ASAP2: variants seen among roughly 807,000 people sequenced by gnomAD.
The protein encoded by ASAP2 is arf-GAP with SH3 domain, ANK repeat and PH domain-containing protein 2.
ASAP2 carries 45 observed loss-of-function variants against 131.4 expected under a neutral mutation model. The ratio of observed to expected loss-of-function variants is 0.34; its 90% CI spans 0.27 to 0.44. The LOEUF (loss-of-function observed/expected upper bound fraction) is 0.44. Ranked by LOEUF, ASAP2 falls within the 20% of genes least tolerant of loss-of-function variation. The pLI is 1.00. For missense variants in ASAP2, 1,011 were observed against 1,297.0 expected, an observed-to-expected ratio of 0.78 and a Z score of 3.39; for synonymous variants, 510 against 503.0, an observed-to-expected ratio of 1.01 and a Z score of -0.19.
intron 15 of ASAP2, among the ~76,000 whole-genome samples, chr2:9,364,276 G>A (rs1320526314): frequency 6.6e-6 from 1 of 152,180 alleles, no homozygotes; most frequent in Non-Finnish European, 1.5e-5. Flanking sequence ...GGGAGGCTGA[G>A]GCAGGCAGAT....
chr2:9,299,836 T>TA (rs148964512), intron 3 of ASAP2, among the ~76,000 whole-genome samples: 5,294 of 152,312 alleles, frequency 0.035, 215 homozygotes, highest in African/African-American at 0.093. Context: ...CGGTGACTCT[T>TA]ACACAGGATA....
At chr2:9,279,268 G>T in intron 1 of ASAP2, 49 bp from the exon 2 acceptor site, 1 of 1,566,564 alleles carries the variant, frequency 6.4e-7, no homozygotes, top group Non-Finnish European at 8.8e-7. Context: ...CGCTGCTAGC[G>T]TGGTCTCAGC....
chr2:9,345,263 G>A (rs1671888632), intron 11 of ASAP2, among the ~76,000 whole-genome samples: 1 of 152,144 alleles, frequency 6.6e-6, no homozygotes, highest in Non-Finnish European at 1.5e-5. Context: ...AGAAATCCAT[G>A]AGAAAAGACA....
In ASAP2 at chr2:9,376,895, T is replaced by C. The variant is rs199782056; in HGVS notation, c.1747-13T>C. On this transcript the variant is annotated splice_polypyrimidine_tract_variant and intron_variant, in intron 17 of 27. Transcript: ENST00000281419. ...CCATTAGAATTCTGGAATGCCTTTG[T>C]TTGGTTTTTCAGGAGCCGGATGAAA... The C allele has an allele frequency of 3.9e-4, 630 of 1,613,582 alleles. 8 individuals are homozygous for C. In the South Asian group the frequency reaches 6.6e-3, roughly 17 times the overall value.
At chr2:9,212,237 C>G (rs1661613861) in intron 1 of ASAP2, among the ~76,000 whole-genome samples, 1 of 152,062 alleles carries the variant, frequency 6.6e-6, no homozygotes, top group East Asian at 1.9e-4. Flanking sequence ...TACAGTCCAG[C>G]AAGAGGAACA....
chr2:9,356,145 G>A (rs745433736), intron 13 of ASAP2, 34 bp from the exon 14 acceptor site: 2 of 1,614,134 alleles, frequency 1.2e-6, no homozygotes, highest in East Asian at 2.2e-5. Flanking sequence ...CGTTGTTTGT[G>A]GAATTTAACA....
At chr2:9,265,185 A>G (rs1271973844) in intron 1 of ASAP2, among the ~76,000 whole-genome samples, 2 of 152,250 alleles carry the variant, frequency 1.3e-5, no homozygotes, top group African/African-American at 4.8e-5. Context: ...AATACAGTGT[A>G]ACAACTGTTT....
chr2:9,324,168 A>G (rs534107661), intron 6 of ASAP2, among the ~76,000 whole-genome samples: 2 of 152,392 alleles, frequency 1.3e-5, no homozygotes, highest in South Asian at 4.1e-4. Context: ...AAGCTAATCC[A>G]GAAGGCACTT....
intron 1 of ASAP2, among the ~76,000 whole-genome samples, chr2:9,218,933 A>T (rs896057660): frequency 6.6e-6 from 1 of 151,994 alleles, no homozygotes; most frequent in African/African-American, 2.4e-5. Flanking sequence ...ACTGGAGTTG[A>T]TGTGGTGGTT....
intron 18 of ASAP2, among the ~76,000 whole-genome samples, chr2:9,377,309 T>A (rs961951854): frequency 1.1e-4 from 17 of 152,216 alleles, no homozygotes; most frequent in Non-Finnish European, 8.8e-5. Context: ...CGTCCTCGCC[T>A]CATCCTGTGA....
rs57039765 is a variant in ASAP2 at position 9,347,930 on chromosome 2, G to A, written c.1024-2878G>A. 3.7e-3 allele frequency among the ~76,000 whole-genome samples: 560 copies of A among 152,302 alleles called. 4 individuals are homozygous for A. Among genetic ancestry groups the A allele is most frequent in the African/African-American group, 0.012 (514 of 41,560 alleles). On this transcript the variant is annotated intron_variant, in intron 11 of 27. Transcript: ENST00000281419. ...AAAAATAGAACGGCACGATTAGAAT[G>A]GAGAATCACTGATAATCTCTGCCTG...
At chr2:9,226,853 G>A (rs977771816) in intron 1 of ASAP2, among the ~76,000 whole-genome samples, 5 of 152,184 alleles carry the variant, frequency 3.3e-5, no homozygotes, top group South Asian at 4.1e-4. Context: ...CCAGAAAGGC[G>A]GGAGGTCTGG....
chr2:9,347,862 A>G (rs1265740828), intron 11 of ASAP2, among the ~76,000 whole-genome samples: 1 of 152,206 alleles, frequency 6.6e-6, no homozygotes. Flanking sequence ...AGTCATGAAG[A>G]AAGAAGAAAA....
At chr2:9,220,255 A>C (rs1371893063) in intron 1 of ASAP2, among the ~76,000 whole-genome samples, 2 of 152,184 alleles carry the variant, frequency 1.3e-5, no homozygotes, top group Non-Finnish European at 2.9e-5. Flanking sequence ...TTAACTTTTT[A>C]AACTTAAACT....
intron 2 of ASAP2, among the ~76,000 whole-genome samples, chr2:9,290,767 A>G (rs1458170804): frequency 1.3e-5 from 2 of 152,232 alleles, no homozygotes; most frequent in Non-Finnish European, 1.5e-5. Flanking sequence ...GACTTGGAAC[A>G]CAGCTCTGCC....
intron 11 of ASAP2, among the ~76,000 whole-genome samples, chr2:9,348,698 G>T (rs1041515527): frequency 1.3e-5 from 2 of 152,124 alleles, no homozygotes; most frequent in South Asian, 4.1e-4. Flanking sequence ...TCAAACAAAG[G>T]TGCTGAATAT....
At chr2:9,382,045 A>G (rs1674894348) in intron 20 of ASAP2, among the ~76,000 whole-genome samples, 1 of 142,318 alleles carries the variant, frequency 7.0e-6, no homozygotes, top group African/African-American at 2.7e-5. Context: ...GTGCAGTGAC[A>G]TGATCTCTGT....
chr2:9,323,368 C>G, intron 6 of ASAP2, 118 bp downstream of exon 6: 2 of 1,420,838 alleles, frequency 1.4e-6, no homozygotes, highest in South Asian at 2.7e-5. Flanking sequence ...CATTGCTGGA[C>G]TCCCTTTGCC....
Position 9,206,976 on chromosome 2 carries a change from C to G in ASAP2, c.-129C>G. 1.1e-6 allele frequency: 1 copy of G among 912,104 alleles called. No individual in the cohort carries two copies. The highest frequency in any genetic ancestry group is 5.0e-5 in the South Asian group (1 of 20,166). 56.5% of individuals were successfully genotyped at this position (912,104 alleles called of 1,614,324 possible). A position where few individuals can be genotyped will look rare whatever the true frequency, so the allele number is the denominator to read the frequency against. On this transcript the variant is annotated 5_prime_UTR_variant, in exon 1 of 28. Transcript: ENST00000281419. The surrounding 1 kb of genome is among the most constrained non-coding windows in gnomAD (Gnocchi z 4.0). Reference sequence around the variant, plus strand: ...GGCCCCGCGCGGCTCCCGCGCCCGGCGCTCCCCTTTGTCCGCGGGCCGGAG... The same window carrying G: ...GGCCCCGCGCGGCTCCCGCGCCCGGGGCTCCCCTTTGTCCGCGGGCCGGAG...
Sources: gnomAD v4.1 joint callset for allele counts (sites outside exome capture counted in the v4.1 genomes callset) on GRCh38, gnomAD v4.1.1 for gene constraint, Gnocchi (gnomAD v3.1) non-coding constraint, MANE v1.5 for transcripts, NCBI Gene and HGNC (gene_info 2026-07-23, HGNC 2026-07-21) for gene names.